GRIA1: variants seen among roughly 807,000 people sequenced by gnomAD.
GRIA1 encodes glutamate receptor 1.
Under a neutral mutation model 99.2 loss-of-function variants are expected in GRIA1, and 31 were observed. The observed-to-expected ratio is 0.31, with a 90% CI of 0.23 to 0.42. GRIA1 has a LOEUF of 0.42. GRIA1 is among the 10% of genes least tolerant of loss of function. The pLI is 1.00. For missense variants in GRIA1, 782 were observed against 1,157.5 expected (o/e 0.68, Z 4.71); for synonymous variants, 438 against 432.4 (o/e 1.01, Z -0.16).
At chr5:153,758,284 AC>A (rs1280895033) in intron 11 of GRIA1, among the ~76,000 whole-genome samples, 3 of 152,044 alleles carry the variant, frequency 2.0e-5, no homozygotes, top group Non-Finnish European at 4.4e-5. Flanking sequence ...AATAAATAAG[AC>A]CCAATTATAT....
chr5:153,538,531 G>C (rs1758789034), intron 2 of GRIA1, among the ~76,000 whole-genome samples: 1 of 152,092 alleles, frequency 6.6e-6, no homozygotes, highest in African/African-American at 2.4e-5. Context: ...ATGCCTGCAG[G>C]TTCACTACAT....
At chr5:153,622,990 G>C (rs1461907245) in intron 2 of GRIA1, among the ~76,000 whole-genome samples, 1 of 152,200 alleles carries the variant, frequency 6.6e-6, no homozygotes, top group Non-Finnish European at 1.5e-5. Flanking sequence ...GAGAGGAGTT[G>C]ATCACTTTAG....
At chr5:153,809,900 A>G (rs1216628012) in intron 15 of GRIA1, among the ~76,000 whole-genome samples, 1 of 152,222 alleles carries the variant, frequency 6.6e-6, no homozygotes, top group Non-Finnish European at 1.5e-5. Flanking sequence ...ACCTTGAAGA[A>G]GAGGTAGGGT....
intron 11 of GRIA1, among the ~76,000 whole-genome samples, chr5:153,734,022 T>C (rs975392839): frequency 6.6e-6 from 1 of 152,224 alleles, no homozygotes; most frequent in African/African-American, 2.4e-5. Context: ...ACAGACTATA[T>C]GCAGAACATT....
intron 2 of GRIA1, among the ~76,000 whole-genome samples, chr5:153,599,510 A>G (rs913488258): frequency 6.6e-6 from 1 of 152,214 alleles, no homozygotes; most frequent in African/African-American, 2.4e-5. Context: ...CACATAACCT[A>G]GGCACATCCT....
chr5:153,541,745 C>CA (rs1192438272), intron 2 of GRIA1, among the ~76,000 whole-genome samples: 1 of 151,952 alleles, frequency 6.6e-6, no homozygotes, highest in African/African-American at 2.4e-5. Flanking sequence ...TCCTGGCCAA[C>CA]ATAGTGAAAC....
intron 2 of GRIA1, among the ~76,000 whole-genome samples, chr5:153,542,672 C>T (rs1759237595): frequency 6.6e-6 from 1 of 152,216 alleles, no homozygotes; most frequent in South Asian, 2.1e-4. Context: ...CTAGTCTTTG[C>T]TCTGCCATTT....
chr5:153,725,856 C>A (rs574523251), intron 11 of GRIA1, among the ~76,000 whole-genome samples: 17 of 134,652 alleles, frequency 1.3e-4, no homozygotes, highest in Non-Finnish European at 2.3e-4. Flanking sequence ...ACAAGGATAC[C>A]CAGGAATTGA....
chr5:153,650,531 G>A lies in GRIA1; in HGVS notation c.645+17G>A. 2 of 1,612,132 alleles carry A rather than the reference G, an allele frequency of 1.2e-6. No homozygotes were observed. The highest frequency in any genetic ancestry group is 2.2e-5 in the East Asian group (1 of 44,822). Reference sequence around the variant, plus strand: ...TTGGGCCAGGTAGTGAAAGCAGCAAGGGCTCAGGGTGGGTGCGGGAGGTGA... The same window carrying A: ...TTGGGCCAGGTAGTGAAAGCAGCAAAGGCTCAGGGTGGGTGCGGGAGGTGA... On this transcript the variant is annotated intron_variant, in intron 4 of 15. Coordinates refer to ENST00000285900, the MANE Select transcript of GRIA1 (RefSeq NM_000827.4).
At chr5:153,599,030 C>T (rs533675973) in intron 2 of GRIA1, among the ~76,000 whole-genome samples, 187 of 152,188 alleles carry the variant, frequency 1.2e-3, no homozygotes, top group African/African-American at 4.0e-3. Flanking sequence ...TGCAGGCGCC[C>T]GCCACCACGC....
intron 2 of GRIA1, among the ~76,000 whole-genome samples, chr5:153,542,984 T>C (rs1759266935): frequency 6.6e-6 from 1 of 152,258 alleles, no homozygotes; most frequent in Non-Finnish European, 1.5e-5. Flanking sequence ...CTGATAAAAA[T>C]ACACTTCTTA....
intron 8 of GRIA1, among the ~76,000 whole-genome samples, chr5:153,695,514 G>T (rs1038322192): frequency 4.6e-5 from 7 of 152,168 alleles, no homozygotes; most frequent in African/African-American, 1.7e-4. Flanking sequence ...AGTCTCTTAG[G>T]GTTCCCTAGA....
At chr5:153,613,230 T>A (rs1456355576) in intron 2 of GRIA1, among the ~76,000 whole-genome samples, 1 of 152,008 alleles carries the variant, frequency 6.6e-6, no homozygotes, top group African/African-American at 2.4e-5. Context: ...GAACCATGCC[T>A]CCACAAGCAT....
intron 11 of GRIA1, among the ~76,000 whole-genome samples, chr5:153,741,984 A>G (rs1761835258): frequency 6.6e-6 from 1 of 152,044 alleles, no homozygotes; most frequent in Non-Finnish European, 1.5e-5. Context: ...GTGTTAAGCC[A>G]AGATCTGGGG....
At chr5:153,664,518 T>G (rs1409047245) in intron 5 of GRIA1, among the ~76,000 whole-genome samples, 1 of 152,070 alleles carries the variant, frequency 6.6e-6, no homozygotes, top group East Asian at 1.9e-4. Context: ...AGGCACTTTT[T>G]TTTTTTCAGG....
rs376550685 is a variant in GRIA1 at position 153,490,730 on chromosome 5, AACAG to A, written c.-155_-152del. ...GTTTAAGTGTTCGGATTCCAAGGGA[AACAG>A]ACAAACCTCACGAAAGGAAGGAAGC... On this transcript the variant is annotated 5_prime_UTR_variant, in exon 1 of 16. Coordinates refer to ENST00000285900, the MANE Select transcript of GRIA1 (RefSeq NM_000827.4). 5.5e-5 allele frequency: 39 copies of A among 712,050 alleles called. No individual in the cohort carries two copies. The African/African-American group carries it at 6.5e-4, about 12-fold the overall frequency. 44.1% of individuals were successfully genotyped at this position (712,050 alleles called of 1,614,324 possible). A position where few individuals can be genotyped will look rare whatever the true frequency, so the allele number is the denominator to read the frequency against.
intron 2 of GRIA1, among the ~76,000 whole-genome samples, chr5:153,580,165 G>C (rs1052939672): frequency 6.6e-6 from 1 of 152,194 alleles, no homozygotes; most frequent in Non-Finnish European, 1.5e-5. Flanking sequence ...TAGAAGTCAA[G>C]GTGGTCCCCT....
chr5:153,504,951 C>T (rs910016068), intron 2 of GRIA1, among the ~76,000 whole-genome samples: 5 of 152,126 alleles, frequency 3.3e-5, no homozygotes, highest in Admixed American at 6.6e-5. Flanking sequence ...TCTGATGAGC[C>T]CACACCACCA....
At chr5:153,540,791 G>T (rs978173895) in intron 2 of GRIA1, among the ~76,000 whole-genome samples, 1 of 152,084 alleles carries the variant, frequency 6.6e-6, no homozygotes, top group Non-Finnish European at 1.5e-5. Flanking sequence ...GGACATATGA[G>T]ACCCAAAAAA....
Sources: allele counts gnomAD v4.1 joint callset (sites outside exome capture counted in the v4.1 genomes callset), GRCh38; gene constraint gnomAD v4.1.1; transcripts MANE v1.5; gene names NCBI Gene and HGNC (gene_info 2026-07-23, HGNC 2026-07-21).